Variants in FSTL5 observed in about 807,000 individuals in gnomAD.
The protein encoded by FSTL5 is follistatin-related protein 5.
A neutral mutation model predicts 89.1 loss-of-function variants in FSTL5; 62 were observed. That is an observed-to-expected ratio of 0.70 (90% confidence interval 0.57 to 0.86). The LOEUF (loss-of-function observed/expected upper bound fraction) is 0.86. Among genes scored for constraint, FSTL5 ranks in the 40% least tolerant of loss-of-function variants. The pLI is 0.00. For missense variants in FSTL5, 1,057 were observed against 1,001.6 expected (o/e 1.06, Z -0.75); for synonymous variants, 383 against 346.2 (o/e 1.11, Z -1.18).
chr4:161,807,844 G>C (rs12512144), intron 4 of FSTL5, among the ~76,000 whole-genome samples: 111,687 of 151,974 alleles, frequency 0.73, 41,101 homozygotes, highest in Admixed American at 0.76. Context: ...AGAAGACATG[G>C]TGGTTGAAAA....
In FSTL5 at chr4:161,435,531, AC is replaced by A. The variant is rs1560893768; in HGVS notation, c.1841+19472del. 2.6e-5 allele frequency among the ~76,000 whole-genome samples: 4 copies of A among 152,032 alleles called. 1 individual carries two copies. In the South Asian group the frequency reaches 8.3e-4, roughly 31 times the overall value. ...TATTTGATAGCACAACAGGGTGGCTACAGTCAACAATCATTTCTTGCACATT... is the reference window on the plus strand; with the variant it reads ...TATTTGATAGCACAACAGGGTGGCTAAGTCAACAATCATTTCTTGCACATT... On this transcript the variant is annotated intron_variant, in intron 15 of 15. Coordinates refer to ENST00000306100, the MANE Select transcript of FSTL5 (RefSeq NM_020116.5).
intron 2 of FSTL5, among the ~76,000 whole-genome samples, chr4:162,060,151 C>T (rs1239795382): frequency 1.3e-5 from 2 of 152,110 alleles, no homozygotes; most frequent in Non-Finnish European, 1.5e-5. Context: ...AAATTAGTTC[C>T]CTATTTTCAG....
chr4:162,098,305 C>T (rs1342074882), intron 2 of FSTL5, among the ~76,000 whole-genome samples: 2 of 151,706 alleles, frequency 1.3e-5, no homozygotes, highest in Admixed American at 6.6e-5. Context: ...ACATTGGTTG[C>T]CCTAGAAGAA....
intron 7 of FSTL5, among the ~76,000 whole-genome samples, chr4:161,616,147 C>T (rs1009396840): frequency 5.9e-5 from 9 of 151,346 alleles, no homozygotes; most frequent in East Asian, 3.9e-4. Context: ...AGTGCAATGG[C>T]GCAATCTCGA....
chr4:161,591,034 T>C (rs1033384134), intron 7 of FSTL5, among the ~76,000 whole-genome samples: 1 of 152,304 alleles, frequency 6.6e-6, no homozygotes, highest in South Asian at 2.1e-4. Flanking sequence ...CAAATGTCTA[T>C]CAATGGATGA....
intron 4 of FSTL5, among the ~76,000 whole-genome samples, chr4:161,855,905 A>G (rs1270895520): frequency 2.6e-5 from 4 of 152,142 alleles, no homozygotes; most frequent in Non-Finnish European, 1.5e-5. Flanking sequence ...GTGAGGAAAT[A>G]TCACTAAAGA....
intron 8 of FSTL5, among the ~76,000 whole-genome samples, chr4:161,553,175 G>A (rs946185347): frequency 7.9e-5 from 12 of 151,306 alleles, no homozygotes; most frequent in Admixed American, 2.0e-4. Flanking sequence ...TATAGCTCAG[G>A]AAATGCCTTC....
intron 6 of FSTL5, among the ~76,000 whole-genome samples, chr4:161,751,766 G>A (rs372888465): frequency 1.4e-5 from 2 of 146,204 alleles, no homozygotes; most frequent in Admixed American, 6.8e-5. Flanking sequence ...GGGTGACAGA[G>A]GGAGAACTTG....
At chr4:161,943,651 G>C (rs1734656496) in intron 3 of FSTL5, among the ~76,000 whole-genome samples, 1 of 136,370 alleles carries the variant, frequency 7.3e-6, no homozygotes, top group South Asian at 2.4e-4. Flanking sequence ...CGCCTCCAAG[G>C]TTCATGCCAT....
rs1733022995 is a variant in FSTL5, at chr4:162,146,929, A to T, written c.-17+16686T>A. 2.0e-5 allele frequency among the ~76,000 whole-genome samples: 3 copies of T among 151,772 alleles called. No individual in the cohort carries two copies. The South Asian group carries it at 6.3e-4, about 32-fold the overall frequency. On this transcript the variant is annotated intron_variant, in intron 1 of 15. Transcript: ENST00000306100. Reference sequence around the variant, plus strand: ...CCCAAGTAGCTAGGACTACAGGCGCACGCCACCATGCCTGGGCTAATTTTT... The same window carrying T: ...CCCAAGTAGCTAGGACTACAGGCGCTCGCCACCATGCCTGGGCTAATTTTT...
chr4:161,645,471 C>T (rs867268872), intron 7 of FSTL5, among the ~76,000 whole-genome samples: 4 of 151,936 alleles, frequency 2.6e-5, no homozygotes, highest in South Asian at 2.1e-4. Context: ...TTTAAAAATA[C>T]GTTTTAAATT....
chr4:162,151,819 T>C (rs1245263419), intron 1 of FSTL5, among the ~76,000 whole-genome samples: 1 of 152,198 alleles, frequency 6.6e-6, no homozygotes, highest in Non-Finnish European at 1.5e-5. Context: ...AAAAGTTATT[T>C]TGCATTTAAA....
At position 161,977,612 on chromosome 4, in the gene FSTL5, CAA is replaced by C. The variant is rs796909244; in HGVS notation, c.160+56011_160+56012del. On this transcript the variant is annotated intron_variant, in intron 3 of 15. Transcript: ENST00000306100. ...TGGGCGACACAGCGAGACTCCGTGTCAAAAAAAAAAAAAAAAAAAAAAAAAAA... is the reference window on the plus strand; with the variant it reads ...TGGGCGACACAGCGAGACTCCGTGTCAAAAAAAAAAAAAAAAAAAAAAAAA... Among the ~76,000 whole-genome samples, 319 of 95,114 alleles carry C rather than the reference CAA, an allele frequency of 3.4e-3. 2 individuals are homozygous for C. Among genetic ancestry groups the C allele is most frequent in the African/African-American group, 0.011 (277 of 25,604 alleles). The allele number at this position is 95,114 out of a possible 152,430, so 62.4% of individuals were successfully genotyped here.
rs397996028 is a variant in FSTL5 at position 162,026,304 on chromosome 4, C to CTT, written c.160+7319_160+7320dup. ...TTTCAGGAGACAGCTTATGTATTTT[C>CTT]TTTTTTTTTTTTTTTCTTTTTGAGA... On this transcript the variant is annotated intron_variant, in intron 3 of 15. Coordinates refer to ENST00000306100, the MANE Select transcript of FSTL5 (RefSeq NM_020116.5). 2.5e-4 allele frequency among the ~76,000 whole-genome samples: 20 copies of CTT among 79,480 alleles called. 3 individuals are homozygous for CTT. The highest frequency in any genetic ancestry group is 4.4e-4 in the African/African-American group (9 of 20,420). The allele number at this position is 79,480 out of a possible 152,430, so 52.1% of individuals were successfully genotyped here.
intron 3 of FSTL5, among the ~76,000 whole-genome samples, chr4:162,017,443 G>T (rs1256254643): frequency 6.6e-6 from 1 of 151,996 alleles, no homozygotes; most frequent in Non-Finnish European, 1.5e-5. Context: ...AATGTTATCT[G>T]GTACCTATGA....
chr4:161,573,352 G>C (rs1421082644), intron 8 of FSTL5, among the ~76,000 whole-genome samples: 1 of 148,092 alleles, frequency 6.8e-6, no homozygotes, highest in Non-Finnish European at 1.5e-5. Flanking sequence ...GGAGCTTGCA[G>C]TGAGCCTTGA....
chr4:162,163,527 A>G (rs1733776698), intron 1 of FSTL5, 88 bp downstream of exon 1: 1 of 150,254 alleles, frequency 6.7e-6, no homozygotes, highest in South Asian at 2.1e-4. Context: ...AATTATAAAA[A>G]TAAGCATAAC....
chr4:161,640,639 G>C (rs756924596), intron 7 of FSTL5, among the ~76,000 whole-genome samples: 1 of 152,108 alleles, frequency 6.6e-6, no homozygotes, highest in Non-Finnish European at 1.5e-5. Flanking sequence ...AAAAATGATT[G>C]AACAAAAGTG....
intron 4 of FSTL5, among the ~76,000 whole-genome samples, chr4:161,890,555 G>T (rs1029878996): frequency 1.3e-5 from 2 of 151,844 alleles, no homozygotes; most frequent in Non-Finnish European, 2.9e-5. Context: ...AGTCGTGGTG[G>T]TGTGTGCCTA....
Sources: gnomAD v4.1 joint callset for allele counts (sites outside exome capture counted in the v4.1 genomes callset) on GRCh38, gnomAD v4.1.1 for gene constraint, MANE v1.5 for transcripts, NCBI Gene and HGNC (gene_info 2026-07-23, HGNC 2026-07-21) for gene names.